Variants in BCOR observed in about 807,000 individuals in gnomAD.
BCOR encodes the protein BCL-6 corepressor.
In BCOR, 10 loss-of-function variants were observed where a neutral mutation model predicts 86.7. The ratio of observed to expected loss-of-function variants is 0.12; its 90% CI spans 0.07 to 0.20. BCOR has a LOEUF of 0.20. Ranked by LOEUF, BCOR falls within the 10% of genes least tolerant of loss-of-function variation. BCOR has a pLI of 1.00. For missense variants in BCOR, 1,259 were observed against 1,452.1 expected (o/e 0.87, Z 2.16); for synonymous variants, 611 against 609.0 (o/e 1.00, Z -0.05).
intron 1 of BCOR, among the ~76,000 whole-genome samples, chrX:40,109,143 C>G (rs1937250268): frequency 8.9e-6 from 1 of 112,079 alleles, no homozygotes; most frequent in Admixed American, 9.3e-5. Flanking sequence ...GGGCTGCGCG[C>G]CAAGAGGCCC....
intron 1 of BCOR, among the ~76,000 whole-genome samples, chrX:40,172,142 G>A (rs942285180): frequency 2.7e-5 from 3 of 112,934 alleles, no homozygotes; most frequent in Non-Finnish European, 5.6e-5. Context: ...GCACGCAGGG[G>A]AGTCAAGCTG....
intron 10 of BCOR, among the ~76,000 whole-genome samples, chrX:40,058,732 A>G (rs768011531): frequency 9.0e-6 from 1 of 111,425 alleles, no homozygotes; most frequent in Non-Finnish European, 1.9e-5. Context: ...AGGAAGAGAG[A>G]AGGCATGCCC....
At chrX:40,055,636 A>AGG in intron 11 of BCOR, 123 bp from the exon 12 acceptor site, 2 of 781,776 alleles carry the variant, frequency 2.6e-6, no homozygotes, top group Non-Finnish European at 1.9e-6. Context: ...TGAGCCTCCT[A>AGG]AGCACAGTAT....
intron 1 of BCOR, among the ~76,000 whole-genome samples, chrX:40,090,448 C>T (rs1163854858): frequency 8.9e-6 from 1 of 112,785 alleles, no homozygotes; most frequent in South Asian, 3.6e-4. Context: ...CCACCCAGTT[C>T]GGGGAGGGGC....
At chrX:40,083,067 T>C (rs1936176725) in intron 1 of BCOR, among the ~76,000 whole-genome samples, 1 of 101,484 alleles carries the variant, frequency 9.9e-6, no homozygotes, top group Non-Finnish European at 2.0e-5. Flanking sequence ...GCTCCGGGTG[T>C]CAAGGAAGGG....
At chrX:40,127,310 C>G (rs965437339) in intron 1 of BCOR, among the ~76,000 whole-genome samples, 13 of 112,157 alleles carry the variant, frequency 1.2e-4, no homozygotes, top group African/African-American at 4.2e-4. Context: ...TGACAGTTCA[C>G]TGCAGCTGAC....
chrX:40,075,227 C>T, intron 3 of BCOR, 47 bp from the exon 4 acceptor site: 1 of 1,100,446 alleles, frequency 9.1e-7, no homozygotes, highest in Non-Finnish European at 1.2e-6. Flanking sequence ...TCCTTCAAGG[C>T]AGCAGCACCC....
chrX:40,091,961 T>A (rs1187611920), intron 1 of BCOR, among the ~76,000 whole-genome samples: 2 of 112,865 alleles, frequency 1.8e-5, no homozygotes, highest in Non-Finnish European at 3.8e-5. Context: ...AGGCTCCTCT[T>A]GACCCGCAGC....
At chrX:40,177,128 G>C (rs1938779523) in exon 1 of BCOR, 1 of 110,801 alleles carries the variant, frequency 9.0e-6, no homozygotes, top group Non-Finnish European at 1.9e-5. Flanking sequence ...CTCCGGGAGG[G>C]GGTGTCTCAG....
intron 1 of BCOR, among the ~76,000 whole-genome samples, chrX:40,110,691 T>C (rs1937293250): frequency 1.3e-4 from 3 of 22,717 alleles, no homozygotes; most frequent in African/African-American, 4.0e-4. Context: ...TTTTTTTTTT[T>C]TTTTTTTTTT....
At chrX:40,143,566 C>T (rs1401800977) in intron 1 of BCOR, among the ~76,000 whole-genome samples, 1 of 112,450 alleles carries the variant, frequency 8.9e-6, no homozygotes, top group East Asian at 2.8e-4. Context: ...TTTAATAAAA[C>T]GAAAGATGGT....
At chrX:40,164,948 C>T (rs1463761106) in intron 1 of BCOR, among the ~76,000 whole-genome samples, 1 of 112,009 alleles carries the variant, frequency 8.9e-6, no homozygotes. Context: ...TTCTCTGAGC[C>T]AGGCACTCAC....
Position 40,072,400 on chromosome X carries a change from G to T in BCOR, c.2946C>A (p.Thr982=). The stretch of plus-strand genomic sequence containing the variant: ...GCTGACTGGAATCTGCATACAGTTC[G>T]GTAGTGACACATTTGAATCGGTCAC... ...YVGDRFKCVT[T]ELYADSSQLS... Residue 982 remains threonine (T), a synonymous_variant, in exon 4 of 15, where the codon ACC becomes ACA. Coordinates refer to ENST00000378444, the MANE Select transcript of BCOR (RefSeq NM_001123385.2). The T allele has an allele frequency of 8.3e-7, 1 of 1,210,263 alleles. No individual in the cohort carries two copies. Among genetic ancestry groups the T allele is most frequent in the East Asian group, 3.0e-5 (1 of 33,785 alleles).
chrX:40,125,734 G>A (rs1937530964), intron 1 of BCOR, among the ~76,000 whole-genome samples: 2 of 112,235 alleles, frequency 1.8e-5, no homozygotes, highest in South Asian at 7.3e-4. Context: ...AGAATACATT[G>A]TTATTGTTGG....
intron 1 of BCOR, among the ~76,000 whole-genome samples, chrX:40,127,368 C>T (rs745740869): frequency 6.2e-5 from 7 of 112,110 alleles, no homozygotes; most frequent in African/African-American, 2.3e-4. Context: ...TTGGATCTCC[C>T]CACAGCTGTT....
chrX:40,143,761 C>T (rs1055801619), intron 1 of BCOR, among the ~76,000 whole-genome samples: 1 of 112,560 alleles, frequency 8.9e-6, no homozygotes, highest in Non-Finnish European at 1.9e-5. Flanking sequence ...TTGAGACCAG[C>T]CTGGCCAATG....
intron 1 of BCOR, among the ~76,000 whole-genome samples, chrX:40,163,094 G>A (rs1938451587): frequency 8.9e-6 from 1 of 111,797 alleles, no homozygotes; most frequent in African/African-American, 3.3e-5. Context: ...TACATTCCTA[G>A]CTTTGTACCA....
chrX:40,057,133 G>A (rs1934639558), intron 11 of BCOR, 22 bp downstream of exon 11: 1 of 1,209,341 alleles, frequency 8.3e-7, no homozygotes. Context: ...GAGCCAGGCT[G>A]AGAACAAGAC....
rs1934631695 is a variant in BCOR, at chrX:40,057,028, C to A, written c.4595+127G>T. Reference sequence around the variant, plus strand: ...ATTCAATTCCAGAGAACCCAGTGGTCAGTGTGCTTACAGTCACCCTCTGTC... The same window carrying A: ...ATTCAATTCCAGAGAACCCAGTGGTAAGTGTGCTTACAGTCACCCTCTGTC... On this transcript the variant is annotated intron_variant, in intron 11 of 14. Coordinates refer to ENST00000378444, the MANE Select transcript of BCOR (RefSeq NM_001123385.2). 1.1e-5 allele frequency: 8 copies of A among 745,622 alleles called. 1 individual carries two copies. The highest frequency in any genetic ancestry group is 1.1e-4 in the Admixed American group (4 of 37,497). The allele number at this position is 745,622 out of a possible 1,213,427, so 61.4% of individuals were successfully genotyped here.
Sources: gnomAD v4.1 joint callset for allele counts (sites outside exome capture counted in the v4.1 genomes callset) on GRCh38, gnomAD v4.1.1 for gene constraint, MANE v1.5 for transcripts, NCBI Gene and HGNC (gene_info 2026-07-23, HGNC 2026-07-21) for gene names.